ABHD12: variants seen among roughly 807,000 people sequenced by gnomAD.
ABHD12 encodes the protein abhydrolase domain containing 12, lysophospholipase.
A neutral mutation model predicts 58.3 loss-of-function variants in ABHD12; 43 were observed. The ratio of observed to expected loss-of-function variants is 0.74; its 90% CI spans 0.58 to 0.95. ABHD12 has a LOEUF of 0.95. Ranked by LOEUF, ABHD12 falls within the 40% of genes least tolerant of loss-of-function variation. The probability of loss-of-function intolerance (pLI) is 0.00; values close to 1 mark genes in which losing one functional copy is unlikely to be tolerated. For missense variants in ABHD12, 539 were observed against 537.2 expected (o/e 1.00, Z -0.03); for synonymous variants, 219 against 211.2 (o/e 1.04, Z -0.32).
At chr20:25,343,397 G>C (rs1471577699) in intron 1 of ABHD12, among the ~76,000 whole-genome samples, 1 of 152,166 alleles carries the variant, frequency 6.6e-6, no homozygotes, top group Admixed American at 6.5e-5. Context: ...TTACAAAAAA[G>C]AAGACTAAGC....
At chr20:25,369,634 A>G (rs1252214422) in intron 1 of ABHD12, among the ~76,000 whole-genome samples, 1 of 152,218 alleles carries the variant, frequency 6.6e-6, no homozygotes, top group East Asian at 1.9e-4. Flanking sequence ...GTCTCAGTTC[A>G]AGAGGGTAAG....
intron 1 of ABHD12, among the ~76,000 whole-genome samples, chr20:25,364,111 C>A (rs1360840945): frequency 6.6e-6 from 1 of 152,184 alleles, no homozygotes; most frequent in Admixed American, 6.5e-5. Context: ...GCCCCAGGAC[C>A]CTGCCTTTCA....
intron 1 of ABHD12, among the ~76,000 whole-genome samples, chr20:25,354,203 A>G (rs987120167): frequency 2.6e-5 from 4 of 152,372 alleles, no homozygotes; most frequent in Non-Finnish European, 4.4e-5. Context: ...GCACTAGATC[A>G]TATTTGGCAG....
Position 25,357,780 on chromosome 20 carries a change from G to A in ABHD12, c.192-18429C>T, listed in dbSNP as rs558270678. Among the ~76,000 whole-genome samples the A allele has an allele frequency of 2.7e-4, 41 of 152,248 alleles. No homozygotes were observed. The South Asian group carries it at 8.5e-3, about 32-fold the overall frequency. Reference sequence around the variant, plus strand: ...AATCCCAGCACTTTGGAAGGACAAGGCAGGAGGATCACTGGAGCCCAAGAG... The same window carrying A: ...AATCCCAGCACTTTGGAAGGACAAGACAGGAGGATCACTGGAGCCCAAGAG... On this transcript the variant is annotated intron_variant, in intron 1 of 12. Coordinates refer to ENST00000339157, the MANE Select transcript of ABHD12 (RefSeq NM_001042472.3).
intron 11 of ABHD12, chr20:25,303,219 G>C (rs2088669678): frequency 8.2e-7 from 1 of 1,212,558 alleles, no homozygotes; most frequent in Non-Finnish European, 1.0e-6. Flanking sequence ...TGAGTTCCCA[G>C]GTTGGCCTGG....
intron 1 of ABHD12, among the ~76,000 whole-genome samples, chr20:25,348,957 G>C (rs944672397): frequency 2.0e-5 from 3 of 151,842 alleles, no homozygotes; most frequent in Non-Finnish European, 2.9e-5. Flanking sequence ...GGTGGCAGGC[G>C]CCTGTAGTCC....
intron 2 of ABHD12, among the ~76,000 whole-genome samples, chr20:25,338,047 T>TA (rs1411466188): frequency 3.3e-5 from 5 of 151,754 alleles, no homozygotes; most frequent in South Asian, 2.1e-4. Context: ...TTACCGGCAT[T>TA]AAAAAAAACA....
intron 6 of ABHD12, among the ~76,000 whole-genome samples, chr20:25,312,786 C>T (rs1471061877): frequency 6.7e-6 from 1 of 149,990 alleles, no homozygotes; most frequent in Non-Finnish European, 1.5e-5. Flanking sequence ...CGCCTCTGCC[C>T]CGCCGCCCCG....
intron 1 of ABHD12, among the ~76,000 whole-genome samples, chr20:25,382,760 C>A (rs1419170017): frequency 6.6e-6 from 1 of 152,122 alleles, no homozygotes; most frequent in Non-Finnish European, 1.5e-5. Flanking sequence ...CGGACACTCC[C>A]TTGGGAAGGG....
At chr20:25,345,317 T>A (rs1351469756) in intron 1 of ABHD12, among the ~76,000 whole-genome samples, 2 of 152,098 alleles carry the variant, frequency 1.3e-5, no homozygotes, top group Non-Finnish European at 2.9e-5. Flanking sequence ...GATCTCCTGA[T>A]CTCATGATCC....
At chr20:25,367,171 C>T (rs1036258468) in intron 1 of ABHD12, among the ~76,000 whole-genome samples, 5 of 152,164 alleles carry the variant, frequency 3.3e-5, no homozygotes, top group Non-Finnish European at 5.9e-5. Flanking sequence ...TACAAGAAAG[C>T]TACAGATTAC....
chr20:25,321,767 A>C (rs572130375), intron 3 of ABHD12, among the ~76,000 whole-genome samples: 1 of 152,376 alleles, frequency 6.6e-6, no homozygotes, highest in African/African-American at 2.4e-5. Flanking sequence ...GTGCAAAACA[A>C]GTCATGCTTC....
intron 11 of ABHD12, among the ~76,000 whole-genome samples, chr20:25,302,905 A>G (rs2145918788): frequency 6.6e-6 from 1 of 152,246 alleles, no homozygotes; most frequent in East Asian, 1.9e-4. Flanking sequence ...GAATCCGTGG[A>G]CGAGGCCTGC....
downstream of ABHD12, chr20:25,295,783 G>A (rs2088532868): frequency 8.2e-7 from 1 of 1,215,378 alleles, no homozygotes; most frequent in Non-Finnish European, 1.2e-6. Context: ...GGGCCAGAGG[G>A]GTTTGTGATT....
intron 1 of ABHD12, among the ~76,000 whole-genome samples, chr20:25,355,291 T>C (rs949042480): frequency 6.6e-6 from 1 of 151,984 alleles, no homozygotes; most frequent in Non-Finnish European, 1.5e-5. Flanking sequence ...AAGAGAAATA[T>C]GCAGAAAACA....
intron 2 of ABHD12, among the ~76,000 whole-genome samples, chr20:25,323,874 G>A (rs897578155): frequency 1.3e-5 from 2 of 152,234 alleles, no homozygotes; most frequent in Admixed American, 6.5e-5. Context: ...GGAGTGGGAA[G>A]GACAGCAGGA....
Position 25,303,714 on chromosome 20 carries a change from AG to A in ABHD12, c.951-87del, listed in dbSNP as rs931291609. Reference sequence around the variant, plus strand: ...CTGTCCATGGCAGGGATCTGGGTTCAGGGTGTGTTTTGGGAAACAGCCTGAT... The same window carrying A: ...CTGTCCATGGCAGGGATCTGGGTTCAGGTGTGTTTTGGGAAACAGCCTGAT... On this transcript the variant is annotated intron_variant, in intron 10 of 12. Coordinates refer to ENST00000339157, the MANE Select transcript of ABHD12 (RefSeq NM_001042472.3). 1.4e-5 allele frequency: 22 copies of A among 1,577,480 alleles called. No homozygotes were observed. In the Admixed American group the frequency reaches 3.3e-4, roughly 24 times the overall value.
chr20:25,303,617 A>G lies in ABHD12; in HGVS notation c.962T>C (p.Ile321Thr). ...KFANDENVKHISCPLLILHAE... is the reference protein window; with the variant it reads ...KFANDENVKHTSCPLLILHAE... ...GTGCAGGATGAGCAGGGGACAGGAG[A>G]TGTGCTTCACGCTGTAGGAGGGAGA... is the stretch of plus-strand genomic sequence containing the variant. The change falls in exon 11 of 13, where the codon ATC becomes ACC. Residue 321 changes from isoleucine to threonine, a missense_variant. Coordinates refer to ENST00000339157, the MANE Select transcript of ABHD12 (RefSeq NM_001042472.3). The G allele has an allele frequency of 1.2e-6, 2 of 1,613,712 alleles. No individual in the cohort carries two copies. The highest frequency in any genetic ancestry group is 1.7e-6 in the Non-Finnish European group (2 of 1,179,966).
intron 10 of ABHD12, among the ~76,000 whole-genome samples, chr20:25,305,768 T>C (rs1160591867): frequency 6.6e-6 from 1 of 152,200 alleles, no homozygotes; most frequent in Non-Finnish European, 1.5e-5. Context: ...TTAACTAGAA[T>C]ACTTAACTTT....
Sources: allele counts gnomAD v4.1 joint callset (sites outside exome capture counted in the v4.1 genomes callset), GRCh38; gene constraint gnomAD v4.1.1; transcripts MANE v1.5; gene names NCBI Gene and HGNC (gene_info 2026-07-23, HGNC 2026-07-21).